Variants in RSRC1 observed in about 807,000 individuals in gnomAD.
The protein encoded by RSRC1 is serine/Arginine-related protein 53.
A neutral mutation model predicts 49.1 loss-of-function variants in RSRC1; 39 were observed. The observed-to-expected ratio is 0.79, with a 90% CI of 0.61 to 1.04. The LOEUF is 1.04. Ranked by LOEUF, RSRC1 falls within the 50% of genes least tolerant of loss-of-function variation. RSRC1 has a pLI of 0.00. For synonymous variants in RSRC1, 143 were observed against 130.8 expected, an observed-to-expected ratio of 1.09 and a Z score of -0.63; for missense variants, 388 against 402.4, an observed-to-expected ratio of 0.96 and a Z score of 0.31.
At position 158,138,500 on chromosome 3, in the gene RSRC1, A is replaced by G. The variant is rs568231899; in HGVS notation, c.320+14509A>G. 4.6e-5 allele frequency among the ~76,000 whole-genome samples: 7 copies of G among 152,344 alleles called. No individual in the cohort carries two copies. The South Asian group carries it at 6.2e-4, about 14-fold the overall frequency. ...TTGTTTCCTGGGCAGGGCCCAGCCCAGAGTTTACCAAGGTGGCTTGACATA... is the reference window on the plus strand; with the variant it reads ...TTGTTTCCTGGGCAGGGCCCAGCCCGGAGTTTACCAAGGTGGCTTGACATA... On this transcript the variant is annotated intron_variant, in intron 3 of 9. Transcript: ENST00000611884.
chr3:158,542,629 A>G (rs1008595597), intron 8 of RSRC1, among the ~76,000 whole-genome samples: 6 of 152,228 alleles, frequency 3.9e-5, no homozygotes, highest in African/African-American at 1.4e-4. Flanking sequence ...AGGCAAATCC[A>G]TAGAGAAAGA....
At chr3:158,326,817 C>T (rs1729183290) in intron 5 of RSRC1, among the ~76,000 whole-genome samples, 1 of 152,190 alleles carries the variant, frequency 6.6e-6, no homozygotes, top group Non-Finnish European at 1.5e-5. Context: ...CCAGCTCCTC[C>T]TTGTACCTCT....
intron 4 of RSRC1, among the ~76,000 whole-genome samples, chr3:158,254,992 C>T (rs1031696299): frequency 6.6e-6 from 1 of 152,100 alleles, no homozygotes; most frequent in South Asian, 2.1e-4. Context: ...GGGTAGATTG[C>T]AAAAATTTTC....
chr3:158,374,573 A>G (rs1212893345), intron 6 of RSRC1, among the ~76,000 whole-genome samples: 2 of 152,298 alleles, frequency 1.3e-5, no homozygotes, highest in East Asian at 3.9e-4. Context: ...AAATTTATAC[A>G]TACAAAAACT....
At chr3:158,473,434 G>A (rs971386034) in intron 7 of RSRC1, among the ~76,000 whole-genome samples, 1 of 152,036 alleles carries the variant, frequency 6.6e-6, no homozygotes, top group African/African-American at 2.4e-5. Flanking sequence ...AACACTGCAT[G>A]TTCTTACTCA....
chr3:158,134,586 A>G (rs1402737867), intron 3 of RSRC1, among the ~76,000 whole-genome samples: 1 of 152,188 alleles, frequency 6.6e-6, no homozygotes, highest in African/African-American at 2.4e-5. Context: ...ACAAAGATCA[A>G]GGCTGTTATA....
chr3:158,157,740 AC>A (rs1419686651), intron 3 of RSRC1, among the ~76,000 whole-genome samples: 2 of 151,996 alleles, frequency 1.3e-5, no homozygotes, highest in Non-Finnish European at 2.9e-5. Context: ...ACATGGAGAA[AC>A]CCCATGTCTA....
chr3:158,166,225 AAT>A (rs1718523512), intron 3 of RSRC1, among the ~76,000 whole-genome samples: 1 of 152,182 alleles, frequency 6.6e-6, no homozygotes, highest in Non-Finnish European at 1.5e-5. Context: ...TTATCGAAAT[AAT>A]TTAGAAATCT....
intron 6 of RSRC1, among the ~76,000 whole-genome samples, chr3:158,385,025 G>A (rs1250337738): frequency 1.3e-5 from 2 of 151,916 alleles, no homozygotes; most frequent in Non-Finnish European, 1.5e-5. Flanking sequence ...GGAAGGAGAA[G>A]GAAAAGGAAA....
intron 4 of RSRC1, among the ~76,000 whole-genome samples, chr3:158,271,511 A>G (rs1193521): frequency 0.48 from 72,362 of 151,912 alleles, 17,793 homozygotes; most frequent in East Asian, 0.64. Flanking sequence ...CTAATTGTCT[A>G]TTACTAGTAG....
At chr3:158,472,079 C>T (rs1738157784) in intron 7 of RSRC1, among the ~76,000 whole-genome samples, 3 of 151,948 alleles carry the variant, frequency 2.0e-5, no homozygotes, top group African/African-American at 7.2e-5. Context: ...TTCTAGGTAC[C>T]TTAGTCATTT....
Position 158,349,691 on chromosome 3 carries a change from C to CTTTTTTTT in RSRC1, c.532-5149_532-5142dup, listed in dbSNP as rs775736592. 1.1e-3 allele frequency among the ~76,000 whole-genome samples: 85 copies of CTTTTTTTT among 74,832 alleles called. 4 individuals are homozygous for CTTTTTTTT. Among genetic ancestry groups the CTTTTTTTT allele is most frequent in the African/African-American group, 2.9e-3 (53 of 18,024 alleles). 49.1% of individuals were successfully genotyped at this position (74,832 alleles called of 152,430 possible). A position where few individuals can be genotyped will look rare whatever the true frequency, so the allele number is the denominator to read the frequency against. On this transcript the variant is annotated intron_variant, in intron 5 of 9. Coordinates refer to ENST00000611884, the MANE Select transcript of RSRC1 (RefSeq NM_001271838.2). The stretch of plus-strand genomic sequence containing the variant: ...AAAAGTTTACATTATTCTTACTGCC[C>CTTTTTTTT]TTTTTTTTTTTTTTTTTTTTTTTTG...
intron 7 of RSRC1, among the ~76,000 whole-genome samples, chr3:158,480,272 A>G (rs1221200559): frequency 6.6e-6 from 1 of 152,072 alleles, no homozygotes; most frequent in South Asian, 2.1e-4. Context: ...AATTAATACA[A>G]ATTATTTTGG....
At chr3:158,224,734 C>A (rs554908224) in intron 4 of RSRC1, among the ~76,000 whole-genome samples, 8 of 151,852 alleles carry the variant, frequency 5.3e-5, no homozygotes, top group African/African-American at 1.4e-4. Context: ...AAGATATTTT[C>A]AATGGTAAAT....
intron 1 of RSRC1, among the ~76,000 whole-genome samples, chr3:158,110,907 A>G (rs1234960820): frequency 6.6e-6 from 1 of 152,182 alleles, no homozygotes; most frequent in Non-Finnish European, 1.5e-5. Context: ...CCTGCTCTTG[A>G]TTTTAGGTTA....
intron 6 of RSRC1, among the ~76,000 whole-genome samples, chr3:158,427,533 G>A (rs144547906): frequency 1.3e-5 from 2 of 151,758 alleles, no homozygotes; most frequent in African/African-American, 2.4e-5. Flanking sequence ...GATTGATTTC[G>A]CTTGACCAAA....
intron 6 of RSRC1, among the ~76,000 whole-genome samples, chr3:158,376,079 C>G (rs1434736824): frequency 1.4e-5 from 2 of 145,172 alleles, no homozygotes; most frequent in Non-Finnish European, 3.0e-5. Flanking sequence ...TCCCTCTCGA[C>G]CCCCCTTCCT....
intron 6 of RSRC1, among the ~76,000 whole-genome samples, chr3:158,375,231 T>A (rs1414482458): frequency 6.6e-6 from 1 of 151,084 alleles, no homozygotes; most frequent in African/African-American, 2.4e-5. Flanking sequence ...GGTCTCACTC[T>A]ATTGTCTAGG....
intron 7 of RSRC1, among the ~76,000 whole-genome samples, chr3:158,523,299 C>T (rs1711808725): frequency 6.6e-6 from 1 of 151,950 alleles, no homozygotes; most frequent in African/African-American, 2.4e-5. Flanking sequence ...TACTCAGAAT[C>T]AGTTTTACAT....
Sources: allele counts gnomAD v4.1 joint callset (sites outside exome capture counted in the v4.1 genomes callset), GRCh38; gene constraint gnomAD v4.1.1; transcripts MANE v1.5; gene names NCBI Gene and HGNC (gene_info 2026-07-23, HGNC 2026-07-21).